The following NEK9 variants were observed in gnomAD, a reference collection of about 807,000 sequenced individuals.
NEK9 encodes serine/threonine-protein kinase Nek9.
Under a neutral mutation model 123.4 loss-of-function variants are expected in NEK9, and 75 were observed. The observed-to-expected ratio is 0.61, with a 90% CI of 0.50 to 0.74. The LOEUF is 0.74. Among genes scored for constraint, NEK9 ranks in the 30% least tolerant of loss-of-function variants. The pLI is 0.00. For missense variants in NEK9, 952 were observed against 1,214.4 expected (o/e 0.78, Z 3.21); for synonymous variants, 438 against 458.7 (o/e 0.95, Z 0.58).
chr14:75,082,267 A>C lies in NEK9; in HGVS notation c.*2297T>G, dbSNP rs1377951336. ...CAGGTTATACTGTAACTCAAAAGCAATACTACTAGAAAACTTAAAACACCT... is the reference window on the plus strand; with the variant it reads ...CAGGTTATACTGTAACTCAAAAGCACTACTACTAGAAAACTTAAAACACCT... On this transcript the variant is annotated 3_prime_UTR_variant, in exon 22 of 22. Transcript: ENST00000238616. 2 of 152,262 alleles carry C rather than the reference A, an allele frequency of 1.3e-5. No homozygotes were observed. Among genetic ancestry groups the C allele is most frequent in the East Asian group, 3.8e-4 (2 of 5,204 alleles). 9.4% of individuals were successfully genotyped at this position (152,262 alleles called of 1,614,324 possible).
At chr14:75,127,159 CG>C (rs964375633), upstream of NEK9, 6 of 459,240 alleles carry the variant, frequency 1.3e-5, no homozygotes, top group South Asian at 3.6e-5. Context: ...TTCCCGCTTT[CG>C]GGGAAGGCCT....
intron 8 of NEK9, among the ~76,000 whole-genome samples, chr14:75,110,903 T>C (rs1894938836): frequency 6.6e-6 from 1 of 152,160 alleles, no homozygotes; most frequent in Non-Finnish European, 1.5e-5. Flanking sequence ...ACCTATATAG[T>C]ACTTTTTGTA....
intron 1 of NEK9, among the ~76,000 whole-genome samples, 189 bp from the exon 2 acceptor site, chr14:75,124,412 G>A (rs530768246): frequency 1.1e-4 from 17 of 152,190 alleles, no homozygotes; most frequent in Non-Finnish European, 2.4e-4. Context: ...CAGGACAGGG[G>A]AAGTAAAGCA....
chr14:75,121,608 G>T (rs557413192), intron 2 of NEK9, among the ~76,000 whole-genome samples: 1 of 152,310 alleles, frequency 6.6e-6, no homozygotes, highest in Non-Finnish European at 1.5e-5. Context: ...CAGCACTTTG[G>T]GAGGCTGAGG....
At chr14:75,104,955 C>A (rs1894721129) in intron 13 of NEK9, among the ~76,000 whole-genome samples, 1 of 152,216 alleles carries the variant, frequency 6.6e-6, no homozygotes, top group African/African-American at 2.4e-5. Flanking sequence ...CTGATTTTGT[C>A]CTTTGAGATG....
chr14:75,114,302 G>A lies in NEK9; in HGVS notation c.774C>T (p.Asn258=). 2 of 1,613,244 alleles carry A rather than the reference G, an allele frequency of 1.2e-6. No individual in the cohort carries two copies. Among genetic ancestry groups the A allele is most frequent in the Middle Eastern group, 3.3e-4 (2 of 6,062 alleles). Reference sequence around the variant, plus strand: ...TTCCTTGCACGATCTTCACACACAGGTTAAGTGGGTTCTATGAGAAAATGA... The same window carrying A: ...TTCCTTGCACGATCTTCACACACAGATTAAGTGGGTTCTATGAGAAAATGA... The part of the protein sequence containing the change: ...KRTFDATNPL[N]LCVKIVQGIR... The change falls in exon 7 of 22, where the codon AAC becomes AAT. Residue 258 remains asparagine, a synonymous_variant. Coordinates refer to ENST00000238616, the MANE Select transcript of NEK9 (RefSeq NM_033116.6).
rs568156282 is a variant in NEK9 at position 75,120,442 on chromosome 14, G to C, written c.524+68C>G. On this transcript the variant is annotated intron_variant, in intron 4 of 21. Coordinates refer to ENST00000238616, the MANE Select transcript of NEK9 (RefSeq NM_033116.6). ...AACCAAGAAAATAAAAGTGTTGTTG[G>C]GGGGGTATCCACGGTAGGGGCTGAA... 2.3e-4 allele frequency: 240 copies of C among 1,022,928 alleles called. 2 individuals are homozygous for C. The African/African-American group carries it at 2.5e-3, about 11-fold the overall frequency. The allele number at this position is 1,022,928 out of a possible 1,614,324, so 63.4% of individuals were successfully genotyped here. A position where few individuals can be genotyped will look rare whatever the true frequency, so the allele number is the denominator to read the frequency against.
intron 16 of NEK9, among the ~76,000 whole-genome samples, chr14:75,100,371 G>C (rs1894535192): frequency 6.6e-6 from 1 of 152,000 alleles, no homozygotes; most frequent in African/African-American, 2.4e-5. Context: ...GCTTGAACCT[G>C]GGAGGCAGAG....
intron 21 of NEK9, 105 bp downstream of exon 21, chr14:75,086,913 A>AG: frequency 8.2e-7 from 1 of 1,213,470 alleles, no homozygotes; most frequent in East Asian, 2.4e-5. Flanking sequence ...TCAAAAAAAA[A>AG]GTAAGGACCT....
intron 10 of NEK9, among the ~76,000 whole-genome samples, chr14:75,108,686 C>T (rs781254210): frequency 6.6e-6 from 1 of 151,642 alleles, no homozygotes; most frequent in African/African-American, 2.4e-5. Flanking sequence ...TCCTGAGTAG[C>T]TGGAATCACA....
intron 19 of NEK9, among the ~76,000 whole-genome samples, chr14:75,089,073 A>T (rs79523238): frequency 6.7e-6 from 1 of 148,728 alleles, no homozygotes; most frequent in Non-Finnish European, 1.5e-5. Flanking sequence ...AAACCTACAG[A>T]TTTTTTTTTT....
chr14:75,090,819 T>C (rs1385879749), intron 19 of NEK9, among the ~76,000 whole-genome samples: 1 of 152,196 alleles, frequency 6.6e-6, no homozygotes, highest in Non-Finnish European at 1.5e-5. Context: ...GTGATCCTCC[T>C]GCCTCAGCCT....
chr14:75,114,163 G>A (rs1895051073), intron 7 of NEK9, 40 bp downstream of exon 7: 3 of 1,404,982 alleles, frequency 2.1e-6, no homozygotes, highest in Non-Finnish European at 3.0e-6. Context: ...GGCTGGAAGG[G>A]GAAATACGAA....
chr14:75,115,991 G>A (rs542079430), intron 6 of NEK9, among the ~76,000 whole-genome samples: 4 of 151,904 alleles, frequency 2.6e-5, no homozygotes, highest in Non-Finnish European at 5.9e-5. Flanking sequence ...TAACACCCAC[G>A]ATGTGTTAGG....
At chr14:75,093,790 G>C (rs1046626719) in intron 18 of NEK9, among the ~76,000 whole-genome samples, 2 of 152,170 alleles carry the variant, frequency 1.3e-5, no homozygotes, top group Non-Finnish European at 2.9e-5. Flanking sequence ...AAAAAGGCAT[G>C]TAGTCTGCTG....
rs757387329 is a variant in NEK9 at position 75,101,036 on chromosome 14, A to G, written c.1958T>C (p.Ile653Thr). Reference sequence around the variant, plus strand: ...AAACTCATCACCGCAGGAGACCCTGATCACTTGCTTCCCACCAAGGGGTCC... The same window carrying G: ...AAACTCATCACCGCAGGAGACCCTGGTCACTTGCTTCCCACCAAGGGGTCC... ...LGGPLGGKQV[I>T]RVSCGDEFTI... The change falls in exon 16 of 22, where the codon ATC becomes ACC. Residue 653 changes from isoleucine to threonine, a missense_variant. By Grantham distance (89) the Ile-to-Thr change is moderately conservative (BLOSUM62 -1). Around this residue, in one of 4 missense-constraint regions of NEK9, gnomAD observed 698 missense variants for 875.6 expected, o/e 0.80. Transcript: ENST00000238616. 1.7e-5 allele frequency: 27 copies of G among 1,614,090 alleles called. No homozygotes were observed. The highest frequency in any genetic ancestry group is 4.0e-5 in the African/African-American group (3 of 74,936).
intron 9 of NEK9, 38 bp downstream of exon 9, chr14:75,110,283 T>C (rs1417464555): frequency 6.6e-7 from 1 of 1,509,424 alleles, no homozygotes; most frequent in African/African-American, 1.4e-5. Flanking sequence ...GGTTGTAATT[T>C]CGGATATATT....
At chr14:75,115,653 A>G (rs1005027998) in intron 6 of NEK9, among the ~76,000 whole-genome samples, 1 of 152,226 alleles carries the variant, frequency 6.6e-6, no homozygotes, top group Non-Finnish European at 1.5e-5. Flanking sequence ...TGATTTGCCT[A>G]AATTCTCACA....
chr14:75,083,245 C>T lies in NEK9; in HGVS notation c.*1319G>A, dbSNP rs1594817079. On this transcript the variant is annotated 3_prime_UTR_variant, in exon 22 of 22. Coordinates refer to ENST00000238616, the MANE Select transcript of NEK9 (RefSeq NM_033116.6). Reference sequence around the variant, plus strand: ...AATACCACAGGAACATTTTACAAGGCTAGGTGGAAATACAAAGCTCACATC... The same window carrying T: ...AATACCACAGGAACATTTTACAAGGTTAGGTGGAAATACAAAGCTCACATC... 2.5e-6 allele frequency: 1 copy of T among 397,256 alleles called. No homozygotes were observed. The highest frequency in any genetic ancestry group is 3.6e-5 in the East Asian group (1 of 28,074). The allele number at this position is 397,256 out of a possible 1,614,324, so 24.6% of individuals were successfully genotyped here. A position where few individuals can be genotyped will look rare whatever the true frequency, so the allele number is the denominator to read the frequency against.
Sources: allele counts gnomAD v4.1 joint callset (sites outside exome capture counted in the v4.1 genomes callset), GRCh38; gene constraint gnomAD v4.1.1; regional missense constraint gnomAD v4.1.1; transcripts MANE v1.5; gene names NCBI Gene and HGNC (gene_info 2026-07-23, HGNC 2026-07-21).